The following LRMDA variants were observed in gnomAD, a reference collection of about 807,000 sequenced individuals.
LRMDA encodes the protein leucine-rich melanocyte differentiation-associated protein.
Under a neutral mutation model 29.8 loss-of-function variants are expected in LRMDA, and 18 were observed. That is an observed-to-expected ratio of 0.60 (90% CI 0.42 to 0.90). The LOEUF (loss-of-function observed/expected upper bound fraction) is 0.90. LRMDA is among the 40% of genes least tolerant of loss of function. The probability of loss-of-function intolerance (pLI) is 0.00; values close to 1 mark genes in which losing one functional copy is unlikely to be tolerated. For missense variants in LRMDA, 273 were observed against 273.9 expected (o/e 1.00, Z 0.02); for synonymous variants, 125 against 109.4 (o/e 1.14, Z -0.89).
intron 6 of LRMDA, among the ~76,000 whole-genome samples, chr10:76,428,430 TC>T (rs1842153381): frequency 6.6e-6 from 1 of 152,070 alleles, no homozygotes; most frequent in Non-Finnish European, 1.5e-5. Context: ...GTTAATTTCA[TC>T]TTTTAACTTC....
intron 5 of LRMDA, among the ~76,000 whole-genome samples, chr10:76,245,221 C>T (rs1852353050): frequency 6.6e-6 from 1 of 152,136 alleles, no homozygotes; most frequent in Admixed American, 6.5e-5. Flanking sequence ...ATCCGTCATC[C>T]AGGGGAGAAC....
chr10:75,589,187 C>T (rs1394411714), intron 2 of LRMDA, among the ~76,000 whole-genome samples: 2 of 152,178 alleles, frequency 1.3e-5, no homozygotes, highest in Non-Finnish European at 2.9e-5. Flanking sequence ...AAATTGTACT[C>T]CTCAGGAGCT....
chr10:75,836,729 G>GGATCT (rs1251460855), intron 2 of LRMDA, among the ~76,000 whole-genome samples: 1 of 152,058 alleles, frequency 6.6e-6, no homozygotes, highest in Non-Finnish European at 1.5e-5. Flanking sequence ...TGTCCTTCAA[G>GGATCT]GATCTGCTTA....
chr10:75,584,798 G>A (rs779500671), intron 2 of LRMDA, among the ~76,000 whole-genome samples: 5 of 152,152 alleles, frequency 3.3e-5, no homozygotes, highest in Admixed American at 6.5e-5. Flanking sequence ...GCTGACAGGC[G>A]ATAATGAGAT....
At chr10:75,919,456 T>C (rs1845991743) in intron 2 of LRMDA, among the ~76,000 whole-genome samples, 1 of 152,212 alleles carries the variant, frequency 6.6e-6, no homozygotes, top group Admixed American at 6.5e-5. Flanking sequence ...ATACAGATCC[T>C]GTGCACCGCC....
intron 5 of LRMDA, among the ~76,000 whole-genome samples, chr10:76,098,794 G>A (rs952822246): frequency 6.6e-6 from 1 of 152,178 alleles, no homozygotes; most frequent in African/African-American, 2.4e-5. Flanking sequence ...ACTCCAATCA[G>A]TCTCTCCAAG....
In LRMDA at chr10:76,254,062, G is replaced by A. The variant is rs1034751731; in HGVS notation, c.517-70339G>A. ...CAGTAGACTTATTTTCTTCCTTTGAGCATGGTTTTCATAAGTGACTTCTTA... is the reference window on the plus strand; with the variant it reads ...CAGTAGACTTATTTTCTTCCTTTGAACATGGTTTTCATAAGTGACTTCTTA... On this transcript the variant is annotated intron_variant, in intron 5 of 6. Coordinates refer to ENST00000611255, the MANE Select transcript of LRMDA (RefSeq NM_001305581.2). Among the ~76,000 whole-genome samples, 15 of 151,984 alleles carry A rather than the reference G, an allele frequency of 9.9e-5. 1 individual carries two copies. Among genetic ancestry groups the A allele is most frequent in the African/African-American group, 2.4e-4 (10 of 41,444 alleles).
At chr10:75,627,479 G>A (rs1841265584) in intron 2 of LRMDA, among the ~76,000 whole-genome samples, 1 of 152,196 alleles carries the variant, frequency 6.6e-6, no homozygotes, top group African/African-American at 2.4e-5. Flanking sequence ...TCATGTTTGG[G>A]ACTGATGGAA....
chr10:76,002,503 C>T (rs1554839905), intron 2 of LRMDA, among the ~76,000 whole-genome samples: 1 of 152,066 alleles, frequency 6.6e-6, no homozygotes, highest in Non-Finnish European at 1.5e-5. Context: ...GTTCCTACAT[C>T]TGTAAAATGG....
intron 2 of LRMDA, among the ~76,000 whole-genome samples, chr10:75,799,132 A>G (rs1479031262): frequency 6.6e-6 from 1 of 152,164 alleles, no homozygotes; most frequent in Non-Finnish European, 1.5e-5. Context: ...TGAGAGAGGC[A>G]TGTTTATTCT....
At chr10:75,743,564 A>G (rs1023775713) in intron 2 of LRMDA, 1 of 152,186 alleles carries the variant, frequency 6.6e-6, no homozygotes. Flanking sequence ...ACCTCTGGAG[A>G]CCAAAGAGTT....
intron 2 of LRMDA, among the ~76,000 whole-genome samples, chr10:75,616,240 T>TAGC (rs773644340): frequency 0.044 from 6,471 of 146,664 alleles, 466 homozygotes; most frequent in African/African-American, 0.17. Context: ...ATAGTAGCAG[T>TAGC]AGCAGCAGTA....
chr10:76,164,947 A>T (rs1850712848), intron 5 of LRMDA, among the ~76,000 whole-genome samples: 1 of 152,122 alleles, frequency 6.6e-6, no homozygotes, highest in Non-Finnish European at 1.5e-5. Context: ...ATTTATAAAG[A>T]AAAGAGGGTT....
chr10:75,606,412 A>G (rs1409060749), intron 2 of LRMDA, among the ~76,000 whole-genome samples: 1 of 152,210 alleles, frequency 6.6e-6, no homozygotes, highest in East Asian at 1.9e-4. Context: ...TTGAAACCAG[A>G]AATGAAAATA....
At chr10:75,950,979 C>T (rs878951076) in intron 2 of LRMDA, among the ~76,000 whole-genome samples, 1 of 152,178 alleles carries the variant, frequency 6.6e-6, no homozygotes, top group Admixed American at 6.5e-5. Context: ...TTCCTGATTC[C>T]ATGCCCAAGG....
At chr10:75,511,592 C>A (rs1845226629) in intron 2 of LRMDA, among the ~76,000 whole-genome samples, 2 of 152,112 alleles carry the variant, frequency 1.3e-5, no homozygotes, top group South Asian at 4.1e-4. Flanking sequence ...GCACTGTTGT[C>A]CCCCACCCCA....
intron 5 of LRMDA, among the ~76,000 whole-genome samples, chr10:76,242,973 A>G (rs543620514): frequency 9.8e-5 from 15 of 152,312 alleles, no homozygotes; most frequent in African/African-American, 3.6e-4. Context: ...GACCCAGAGC[A>G]GACACTTGAA....
intron 5 of LRMDA, among the ~76,000 whole-genome samples, chr10:76,188,719 G>A (rs907639552): frequency 3.9e-5 from 6 of 152,140 alleles, no homozygotes; most frequent in African/African-American, 1.4e-4. Flanking sequence ...GGGAGGATGA[G>A]TGGATGGAAG....
chr10:76,132,110 T>C (rs4746364), intron 5 of LRMDA, among the ~76,000 whole-genome samples: 106,968 of 151,966 alleles, frequency 0.7, 38,457 homozygotes, highest in African/African-American at 0.86. Context: ...TTAAGAGGAG[T>C]GTGAGGTTAG....
Sources: gnomAD v4.1 joint callset for allele counts (sites outside exome capture counted in the v4.1 genomes callset) on GRCh38, gnomAD v4.1.1 for gene constraint, MANE v1.5 for transcripts, NCBI Gene and HGNC (gene_info 2026-07-23, HGNC 2026-07-21) for gene names.